Variants in FMR1NB observed in about 807,000 individuals in gnomAD.
FMR1NB encodes FMR1 neighbor protein.
FMR1NB carries 10 observed loss-of-function variants against 16.8 expected under a neutral mutation model. That is an observed-to-expected ratio of 0.60 (90% CI 0.37 to 1.01). FMR1NB has a LOEUF of 1.01. Ranked by LOEUF, FMR1NB falls within the 50% of genes least tolerant of loss-of-function variation. FMR1NB has a pLI of 0.01. For missense variants in FMR1NB, 205 were observed against 204.8 expected (o/e 1.00, Z 0.00); for synonymous variants, 83 against 79.1 (o/e 1.05, Z -0.26).
At chrX:147,984,754 G>A (rs933670403) in intron 1 of FMR1NB, among the ~76,000 whole-genome samples, 2 of 111,970 alleles carry the variant, frequency 1.8e-5, no homozygotes, top group African/African-American at 6.5e-5. Flanking sequence ...ATATTGAATA[G>A]CAGTGATGAA....
intron 3 of FMR1NB, 111 bp from the exon 4 acceptor site, chrX:148,008,507 C>T (rs954583797): frequency 6.2e-6 from 4 of 645,584 alleles, no homozygotes; most frequent in African/African-American, 2.2e-5. Context: ...AGAATACCTC[C>T]TCATTTCACT....
chrX:148,025,828 G>C (rs2044700951), intron 5 of FMR1NB: 1 of 111,935 alleles, frequency 8.9e-6, no homozygotes, highest in African/African-American at 3.2e-5. Flanking sequence ...AAGTTACAGA[G>C]AAGCAAAGGA....
rs2044443777 is a variant in FMR1NB, at chrX:147,981,343, C to CACGGACTGCCCCGGAAGCTTCTGGGCA, written c.-50_-49insCCGGAAGCTTCTGGGCAACGGACTGCC. 1 of 1,161,339 alleles carries CACGGACTGCCCCGGAAGCTTCTGGGCA rather than the reference C, an allele frequency of 8.6e-7. No individual in the cohort carries two copies. The highest frequency in any genetic ancestry group is 1.2e-6 in the Non-Finnish European group (1 of 869,439). ...CGGACTGCCCCGGAAGCTTCTGGGC[C>CACGGACTGCCCCGGAAGCTTCTGGGCA]ACGGACTGCCGGACCGTTGGGCTGT... On this transcript the variant is annotated 5_prime_UTR_variant, in exon 1 of 6. Coordinates refer to ENST00000370467, the MANE Select transcript of FMR1NB (RefSeq NM_152578.3).
At chrX:148,007,097 T>G (rs1246961942) in intron 3 of FMR1NB, among the ~76,000 whole-genome samples, 1 of 111,709 alleles carries the variant, frequency 9.0e-6, no homozygotes, top group African/African-American at 3.3e-5. Context: ...CTCTGTGTTT[T>G]GTCCAAAAGT....
chrX:147,996,872 T>A lies in FMR1NB; in HGVS notation c.278-6329T>A, dbSNP rs940180539. Among the ~76,000 whole-genome samples the A allele has an allele frequency of 3.6e-5, 4 of 112,291 alleles. No homozygotes were observed. The South Asian group carries it at 1.5e-3, about 41-fold the overall frequency. ...TTTGTGACAAGGAAACATAATTCGT[T>A]CTTTAATATTTTCTGCTACCAATTT... On this transcript the variant is annotated intron_variant, in intron 1 of 5. Transcript: ENST00000370467.
intron 2 of FMR1NB, among the ~76,000 whole-genome samples, chrX:148,004,992 C>T (rs931553396): frequency 1.8e-5 from 2 of 112,377 alleles, no homozygotes; most frequent in Admixed American, 9.4e-5. Context: ...CAGGTTCAAG[C>T]AATTCTCCTA....
Position 148,012,481 on chromosome X carries a change from T to A in FMR1NB, c.632+3770T>A, listed in dbSNP as rs148275706. Among the ~76,000 whole-genome samples, 805 of 111,997 alleles carry A rather than the reference T, an allele frequency of 7.2e-3. 8 individuals carry two copies. The highest frequency in any genetic ancestry group is 0.025 in the African/African-American group (779 of 30,863). Reference sequence around the variant, plus strand: ...ATCAGATTGAATTTGTAACTTTGAATTAAGACAAAATTCAGAACTCAGTCT... The same window carrying A: ...ATCAGATTGAATTTGTAACTTTGAAATAAGACAAAATTCAGAACTCAGTCT... On this transcript the variant is annotated intron_variant, in intron 4 of 5. Coordinates refer to ENST00000370467, the MANE Select transcript of FMR1NB (RefSeq NM_152578.3).
chrX:148,001,993 G>A (rs2044573071), intron 1 of FMR1NB, among the ~76,000 whole-genome samples: 2 of 110,678 alleles, frequency 1.8e-5, no homozygotes, highest in South Asian at 7.7e-4. Context: ...ATATACTCCA[G>A]GTGTATTAAA....
At chrX:148,014,948 G>T (rs1460876130) in intron 4 of FMR1NB, among the ~76,000 whole-genome samples, 3 of 111,791 alleles carry the variant, frequency 2.7e-5, no homozygotes, top group Non-Finnish European at 5.6e-5. Context: ...CCCAGCCCGT[G>T]GGTCCTGGGC....
At chrX:148,003,568 A>T (rs1348769813) in intron 2 of FMR1NB, among the ~76,000 whole-genome samples, 1 of 112,264 alleles carries the variant, frequency 8.9e-6, no homozygotes, top group Non-Finnish European at 1.9e-5. Flanking sequence ...GCATTTCATA[A>T]ATGTTTGTTA....
chrX:148,006,210 T>C (rs1603081135), intron 2 of FMR1NB, among the ~76,000 whole-genome samples: 2 of 112,111 alleles, frequency 1.8e-5, no homozygotes, highest in South Asian at 7.4e-4. Context: ...AAATATATTA[T>C]AGTGCCAATA....
chrX:148,015,518 C>G (rs1034642559), intron 4 of FMR1NB, among the ~76,000 whole-genome samples: 2 of 111,638 alleles, frequency 1.8e-5, no homozygotes, highest in Non-Finnish European at 3.8e-5. Context: ...TATCATGTTT[C>G]CATTATCAGT....
intron 1 of FMR1NB, among the ~76,000 whole-genome samples, chrX:147,988,386 C>T (rs1455073556): frequency 1.8e-5 from 2 of 112,028 alleles, no homozygotes; most frequent in Admixed American, 9.5e-5. Context: ...TGCTGTTAGT[C>T]TGATGGGCTT....
At chrX:148,001,591 A>C (rs1449431545) in intron 1 of FMR1NB, among the ~76,000 whole-genome samples, 2 of 110,358 alleles carry the variant, frequency 1.8e-5, no homozygotes, top group East Asian at 2.8e-4. Context: ...CTCTACTAAA[A>C]ATACAAAAAT....
chrX:147,996,020 T>C (rs1557188123), intron 1 of FMR1NB, among the ~76,000 whole-genome samples: 1 of 112,160 alleles, frequency 8.9e-6, no homozygotes, highest in Non-Finnish European at 1.9e-5. Context: ...TCCTGTTCAG[T>C]CAAAATGCTT....
chrX:147,984,603 A>G (rs1455619325), intron 1 of FMR1NB, among the ~76,000 whole-genome samples: 1 of 111,781 alleles, frequency 8.9e-6, no homozygotes, highest in Non-Finnish European at 1.9e-5. Flanking sequence ...AGCTCTAGTA[A>G]GATTTTGTGG....
chrX:148,003,669 T>C lies in FMR1NB; in HGVS notation c.397+349T>C, dbSNP rs782322650. Among the ~76,000 whole-genome samples the C allele has an allele frequency of 5.7e-4, 64 of 112,514 alleles. 1 individual carries two copies. Among genetic ancestry groups the C allele is most frequent in the South Asian group, 2.2e-3 (6 of 2,726 alleles). On this transcript the variant is annotated intron_variant, in intron 2 of 5. Coordinates refer to ENST00000370467, the MANE Select transcript of FMR1NB (RefSeq NM_152578.3). The stretch of plus-strand genomic sequence containing the variant: ...CTGAAATTCAGTCACTGACCCAGTA[T>C]TGTGAAATTGATGTCTTCTGTGGCA...
intron 1 of FMR1NB, among the ~76,000 whole-genome samples, chrX:147,999,850 T>C (rs1199011781): frequency 8.9e-6 from 1 of 111,770 alleles, no homozygotes; most frequent in Non-Finnish European, 1.9e-5. Context: ...GTGTAATATA[T>C]AGTGAAGATA....
intron 4 of FMR1NB, among the ~76,000 whole-genome samples, chrX:148,023,048 A>G (rs781802282): frequency 1.8e-4 from 20 of 111,505 alleles, no homozygotes; most frequent in African/African-American, 6.5e-4. Flanking sequence ...CTTAGAGTGA[A>G]TATTCATATA....
Sources: allele counts gnomAD v4.1 joint callset (sites outside exome capture counted in the v4.1 genomes callset), GRCh38; gene constraint gnomAD v4.1.1; transcripts MANE v1.5; gene names NCBI Gene and HGNC (gene_info 2026-07-23, HGNC 2026-07-21).